FAM163B: variants seen among roughly 807,000 people sequenced by gnomAD.
The protein encoded by FAM163B is family with sequence similarity 163 member B.
A neutral mutation model predicts 7.6 loss-of-function variants in FAM163B; 4 were observed. That is an observed-to-expected ratio of 0.52 (90% CI 0.26 to 1.20). FAM163B has a LOEUF of 1.20. FAM163B is among the 50% of genes most tolerant of loss of function. The pLI is 0.14. For synonymous variants in FAM163B, 120 were observed against 111.6 expected (o/e 1.07, Z -0.47); for missense variants, 250 against 243.0 (o/e 1.03, Z -0.19).
At chr9:133,605,527 C>A (rs1831779361) in intron 1 of FAM163B, among the ~76,000 whole-genome samples, 1 of 152,192 alleles carries the variant, frequency 6.6e-6, no homozygotes, top group African/African-American at 2.4e-5. Context: ...AAACTGAGCT[C>A]AAGGGCAGAG....
chr9:133,607,342 T>G (rs146775499), intron 1 of FAM163B, among the ~76,000 whole-genome samples: 384 of 152,344 alleles, frequency 2.5e-3, no homozygotes, highest in African/African-American at 8.5e-3. Context: ...CTTGCTCATG[T>G]TTGCTGATGG....
At chr9:133,603,595 T>C (rs903232186) in intron 1 of FAM163B, among the ~76,000 whole-genome samples, 3 of 152,182 alleles carry the variant, frequency 2.0e-5, no homozygotes, top group Admixed American at 6.5e-5. Flanking sequence ...CACTGCTCAT[T>C]AGCCAAAGTT....
chr9:133,607,790 C>G (rs1016978643), intron 1 of FAM163B, among the ~76,000 whole-genome samples: 1 of 152,186 alleles, frequency 6.6e-6, no homozygotes, highest in Admixed American at 6.5e-5. Context: ...CAAAACCCCA[C>G]ATTTCCTGGG....
intron 1 of FAM163B, among the ~76,000 whole-genome samples, chr9:133,590,171 CCCTTCTTTCCTTT>C (rs1831528235): frequency 8.1e-6 from 1 of 123,030 alleles, no homozygotes; most frequent in African/African-American, 3.1e-5. Context: ...CCTTCCCCTC[CCCTTCTTTCCTTT>C]CCTTTCCTTC....
chr9:133,580,136 G>C lies in FAM163B; in HGVS notation c.88C>G (p.Leu30Val). Residue 30 changes from leucine (L) to valine (V), a missense_variant, in exon 2 of 3, where the codon CTC becomes GTC. By Grantham distance (32) the Leu-to-Val change is conservative (BLOSUM62 1). Transcript: ENST00000673969. ...CIIAVLCYCR[L>V]QYYCCKKDES... Reference sequence around the variant, plus strand: ...TCCCCGCCGCCCGGGAATACCTGGAGCCGGCAGTAGCACAGAACAGCGATG... The same window carrying C: ...TCCCCGCCGCCCGGGAATACCTGGACCCGGCAGTAGCACAGAACAGCGATG... 8.1e-6 allele frequency: 13 copies of C among 1,611,744 alleles called. No homozygotes were observed. The highest frequency in any genetic ancestry group is 1.1e-5 in the Non-Finnish European group (13 of 1,179,898).
At chr9:133,584,535 C>T (rs1056190804) in intron 1 of FAM163B, among the ~76,000 whole-genome samples, 13 of 152,232 alleles carry the variant, frequency 8.5e-5, no homozygotes, top group Admixed American at 2.6e-4. Context: ...GGCGAAAAAG[C>T]CAGATGACAC....
chr9:133,580,144 TAGCACAGAACA>T lies in FAM163B; in HGVS notation c.69_79del (p.Val24LeufsTer198). On this transcript the variant is annotated frameshift_variant, in exon 2 of 3. Transcript: ENST00000673969. LOFTEE classifies it high-confidence loss of function. ...GCCCGGGAATACCTGGAGCCGGCAGTAGCACAGAACAGCGATGATGCAGAGCAAAATCACAG... is the reference window on the plus strand; with the variant it reads ...GCCCGGGAATACCTGGAGCCGGCAGTGCGATGATGCAGAGCAAAATCACAG... 2 of 1,612,422 alleles carry T rather than the reference TAGCACAGAACA, an allele frequency of 1.2e-6. No homozygotes were observed. Among genetic ancestry groups the T allele is most frequent in the Non-Finnish European group, 1.7e-6 (2 of 1,179,982 alleles).
At position 133,579,112 on chromosome 9, in the gene FAM163B, GC is replaced by G; in HGVS notation, c.410del (p.Gly137AlafsTer41). On this transcript the variant is annotated frameshift_variant, in exon 3 of 3. Coordinates refer to ENST00000673969, the MANE Select transcript of FAM163B (RefSeq NM_001080515.3). LOFTEE classifies it high-confidence loss of function. ...GGTTGAGCGCCTGCAGGCCCCCGAA[GC>G]CCCCCGGGGGCAGCTCCACGTCCTC... ...SQEDVELPPG[G>X]FGGLQALNPN... is the part of the protein sequence containing the mutation. 4.4e-6 allele frequency: 7 copies of G among 1,606,270 alleles called. No individual in the cohort carries two copies. The highest frequency in any genetic ancestry group is 5.1e-6 in the Non-Finnish European group (6 of 1,178,928).
chr9:133,590,119 T>TTCCCTTCCCC (rs1831524461), intron 1 of FAM163B, among the ~76,000 whole-genome samples: 3 of 19,344 alleles, frequency 1.6e-4, no homozygotes, highest in Admixed American at 7.1e-4. Context: ...TCCCCTCCCC[T>TTCCCTTCCCC]TCCCCTCCCC....
rs1432013831 is a variant in FAM163B at position 133,578,261 on chromosome 9, C to T, written c.*761G>A. Among the ~76,000 whole-genome samples, 16 of 152,178 alleles carry T rather than the reference C, an allele frequency of 1.1e-4. No homozygotes were observed. Among genetic ancestry groups the T allele is most frequent in the Non-Finnish European group, 2.1e-4 (14 of 68,024 alleles). On this transcript the variant is annotated 3_prime_UTR_variant, in exon 3 of 3. Coordinates refer to ENST00000673969, the MANE Select transcript of FAM163B (RefSeq NM_001080515.3). The stretch of plus-strand genomic sequence containing the variant: ...TGAGCACTGGGTCTATACATTTCCA[C>T]GTTGCCTCTCCCACGGCAGGGGGAC...
chr9:133,600,259 CTGTGTGTGTGTGTGTG>C lies in FAM163B; in HGVS notation c.-24+8802_-24+8817del, dbSNP rs3074996. Among the ~76,000 whole-genome samples the C allele has an allele frequency of 1.4e-5, 2 of 146,484 alleles. No individual in the cohort carries two copies. The highest frequency in any genetic ancestry group is 3.0e-5 in the Non-Finnish European group (2 of 66,262). On this transcript the variant is annotated intron_variant, in intron 1 of 2. Coordinates refer to ENST00000673969, the MANE Select transcript of FAM163B (RefSeq NM_001080515.3). The surrounding 1 kb of genome is among the most constrained non-coding windows in gnomAD (Gnocchi z 4.9). ...CTGTGTGCATGTGTGTGAGTGTGGTCTGTGTGTGTGTGTGTGTGTGTGTGTGTGTGTGTGTGTAGTG... is the reference window on the plus strand; with the variant it reads ...CTGTGTGCATGTGTGTGAGTGTGGTCTGTGTGTGTGTGTGTGTGTGTAGTG...
chr9:133,608,277 G>A (rs967088099), intron 1 of FAM163B, among the ~76,000 whole-genome samples: 3 of 152,182 alleles, frequency 2.0e-5, no homozygotes, highest in East Asian at 1.9e-4. Flanking sequence ...GGGTTGCTAC[G>A]GGACACACAC....
chr9:133,590,044 T>C (rs1230453849), intron 1 of FAM163B, among the ~76,000 whole-genome samples: 3 of 40,248 alleles, frequency 7.5e-5, no homozygotes, highest in Non-Finnish European at 1.8e-4. Flanking sequence ...TAAGTTCCCT[T>C]CCCTTCCCTT....
At chr9:133,580,348 C>T (rs1831337879) in intron 1 of FAM163B, 102 bp from the exon 2 acceptor site, 1 of 923,378 alleles carries the variant, frequency 1.1e-6, no homozygotes, top group Non-Finnish European at 1.7e-6. Context: ...GGGAAAAAAG[C>T]ACCCCAGGAT....
rs1831729706 is a variant in FAM163B, at chr9:133,601,538, C to T, written c.-24+7539G>A. ...TGGAGTTCCCTTCCGATTACTGAAA[C>T]CCCCATAACTGGAGAATTTCGGGTG... On this transcript the variant is annotated intron_variant, in intron 1 of 2. Transcript: ENST00000673969. The surrounding 1 kb of genome is among the most constrained non-coding windows in gnomAD (Gnocchi z 4.1). Among the ~76,000 whole-genome samples the T allele has an allele frequency of 1.3e-5, 2 of 152,158 alleles. No individual in the cohort carries two copies. Among genetic ancestry groups the T allele is most frequent in the Non-Finnish European group, 2.9e-5 (2 of 68,034 alleles).
chr9:133,592,875 C>T (rs1831575965), intron 1 of FAM163B, among the ~76,000 whole-genome samples: 2 of 152,228 alleles, frequency 1.3e-5, no homozygotes, highest in Middle Eastern at 6.8e-3. Flanking sequence ...GCTGCACACT[C>T]GAATCACCTG....
At chr9:133,586,552 A>T (rs62575376) in intron 1 of FAM163B, among the ~76,000 whole-genome samples, 14,661 of 152,060 alleles carry the variant, frequency 0.096, 1,404 homozygotes, top group African/African-American at 0.26. Flanking sequence ...CTCCCCCCAG[A>T]CCCCAGCTGG....
intron 1 of FAM163B, among the ~76,000 whole-genome samples, chr9:133,594,251 T>A (rs1278268053): frequency 2.0e-5 from 3 of 152,192 alleles, no homozygotes; most frequent in Non-Finnish European, 4.4e-5. Context: ...CAGCTCCTGA[T>A]CTAGGTCCCG....
Position 133,578,974 on chromosome 9 carries a change from C to G in FAM163B, c.*48G>C. The G allele has an allele frequency of 1.4e-6, 2 of 1,451,728 alleles. No homozygotes were observed. The highest frequency in any genetic ancestry group is 2.7e-5 in the Admixed American group (1 of 36,410). 89.9% of individuals were successfully genotyped at this position (1,451,728 alleles called of 1,614,324 possible). ...AGGTGGGTGTGCCAAAGGAATCCCC[C>G]CATTGTCTCAGGACCTTCAAGGCCA... On this transcript the variant is annotated 3_prime_UTR_variant, in exon 3 of 3. Coordinates refer to ENST00000673969, the MANE Select transcript of FAM163B (RefSeq NM_001080515.3).
Sources: gnomAD v4.1 joint callset for allele counts (sites outside exome capture counted in the v4.1 genomes callset) on GRCh38, gnomAD v4.1.1 for gene constraint, Gnocchi (gnomAD v3.1) non-coding constraint, MANE v1.5 for transcripts, NCBI Gene and HGNC (gene_info 2026-07-23, HGNC 2026-07-21) for gene names.